The following CCDC144A variants were observed in gnomAD, a reference collection of about 807,000 sequenced individuals.
CCDC144A encodes the protein coiled-coil domain containing 144A.
Under a neutral mutation model 143.8 loss-of-function variants are expected in CCDC144A, and 41 were observed. The observed-to-expected ratio is 0.29, with a 90% CI of 0.22 to 0.37. The LOEUF (loss-of-function observed/expected upper bound fraction) is 0.37, where lower values mean the gene tolerates loss of function less well. CCDC144A is among the 10% of genes least tolerant of loss of function. The pLI is 1.00. For missense variants in CCDC144A, 637 were observed against 1,488.8 expected, an observed-to-expected ratio of 0.43 and a Z score of 9.41; for synonymous variants, 242 against 517.9, an observed-to-expected ratio of 0.47 and a Z score of 7.23.
intron 6 of CCDC144A, among the ~76,000 whole-genome samples, chr17:16,714,612 T>C (rs1391213662): frequency 2.0e-5 from 3 of 152,048 alleles, no homozygotes; most frequent in Non-Finnish European, 2.9e-5. Flanking sequence ...ATCTGCTCTC[T>C]AGATGCATGT....
intron 8 of CCDC144A, among the ~76,000 whole-genome samples, chr17:16,723,582 T>C (rs1913217532): frequency 6.6e-6 from 1 of 152,192 alleles, no homozygotes; most frequent in African/African-American, 2.4e-5. Flanking sequence ...GTCCAAGATC[T>C]AGGTGCTGGC....
chr17:16,749,087 G>C (rs1469906532), intron 12 of CCDC144A, among the ~76,000 whole-genome samples: 3 of 151,894 alleles, frequency 2.0e-5, no homozygotes, highest in Non-Finnish European at 4.4e-5. Context: ...TGGGCCTCAA[G>C]TTTTCTCAGT....
intron 12 of CCDC144A, among the ~76,000 whole-genome samples, chr17:16,754,206 T>C (rs1158799453): frequency 3.3e-5 from 5 of 152,366 alleles, no homozygotes; most frequent in Non-Finnish European, 5.9e-5. Context: ...TTTTCTCTTT[T>C]TTCTTGTTTA....
At chr17:16,683,314 A>G in the CCDC144A span, 2 of 581,258 alleles carry the variant, frequency 3.4e-6, no homozygotes, top group Non-Finnish European at 3.0e-6. Context: ...TTTGTCATTT[A>G]AAAAACGAAT....
intron 16 of CCDC144A, among the ~76,000 whole-genome samples, chr17:16,773,022 C>A (rs1915881994): frequency 6.6e-6 from 1 of 152,176 alleles, no homozygotes; most frequent in South Asian, 2.1e-4. Flanking sequence ...ATTTAGTGTG[C>A]AACTGTGGGC....
In CCDC144A at chr17:16,734,141, GAA is replaced by G. The variant is rs11335262; in HGVS notation, c.2419-533_2419-532del. Among the ~76,000 whole-genome samples, 583 of 90,402 alleles carry G rather than the reference GAA, an allele frequency of 6.4e-3. 2 individuals are homozygous for G. The highest frequency in any genetic ancestry group is 0.02 in the African/African-American group (538 of 26,664). 59.3% of individuals were successfully genotyped at this position (90,402 alleles called of 152,430 possible). On this transcript the variant is annotated intron_variant, in intron 11 of 16. Coordinates refer to ENST00000399273, the MANE Select transcript of CCDC144A (RefSeq NM_001382000.1). ...AGTGATGGAGTGGAGACCCTATCTC[GAA>G]AAAAAAAAAAAAAAAGCCTAATATA...
At chr17:16,719,583 G>A (rs1567593188) in intron 6 of CCDC144A, among the ~76,000 whole-genome samples, 1 of 152,098 alleles carries the variant, frequency 6.6e-6, no homozygotes, top group Non-Finnish European at 1.5e-5. Context: ...AGCTATATGG[G>A]CTGAGGACAG....
chr17:16,706,256 C>T (rs1242026823), intron 3 of CCDC144A: 3 of 147,232 alleles, frequency 2.0e-5, no homozygotes, highest in Non-Finnish European at 3.0e-5. Context: ...TACCACCTTG[C>T]GTTAATAAAT....
intron 11 of CCDC144A, 97 bp downstream of exon 11, chr17:16,732,763 C>CTA: frequency 1.4e-6 from 1 of 725,748 alleles, no homozygotes; most frequent in Non-Finnish European, 2.1e-6. Flanking sequence ...GATTTTTGAA[C>CTA]TACACACACA....
At chr17:16,698,263 TAA>T (rs1445397295) in intron 2 of CCDC144A, among the ~76,000 whole-genome samples, 1 of 152,160 alleles carries the variant, frequency 6.6e-6, no homozygotes, top group Non-Finnish European at 1.5e-5. Flanking sequence ...AGAGGAATCA[TAA>T]AGTCATGTTG....
intron 6 of CCDC144A, among the ~76,000 whole-genome samples, chr17:16,715,335 A>G (rs1912687613): frequency 6.6e-6 from 1 of 151,576 alleles, no homozygotes; most frequent in African/African-American, 2.4e-5. Flanking sequence ...AGAAAGAAAG[A>G]AAAAGGTTTC....
intron 6 of CCDC144A, among the ~76,000 whole-genome samples, chr17:16,715,735 T>C (rs1269855872): frequency 6.6e-6 from 1 of 152,226 alleles, no homozygotes; most frequent in African/African-American, 2.4e-5. Context: ...CTGTTGATCT[T>C]ACATAGGGTT....
the CCDC144A span, chr17:16,683,299 TTTTA>T: frequency 1.7e-6 from 1 of 578,490 alleles, no homozygotes; most frequent in African/African-American, 1.9e-5. Context: ...ATATATACAA[TTTTA>T]TTTGTCATTT....
rs1912260243 is a variant in CCDC144A at position 16,709,439 on chromosome 17, G to T, written c.1382G>T (p.Gly461Val). 5 of 1,611,518 alleles carry T rather than the reference G, an allele frequency of 3.1e-6. No homozygotes were observed. The Admixed American group carries it at 5.0e-5, about 16-fold the overall frequency. Residue 461 changes from glycine to valine, a missense_variant, in exon 5 of 17, where the codon GGC becomes GTC. Transcript: ENST00000399273. ...TKNMNQNSDS[G>V]STNNYKSLKP... ...AATATGAACCAAAATAGTGACAGTGGCAGTACAAACAACTATAAAAGCCTG... is the reference window on the plus strand; with the variant it reads ...AATATGAACCAAAATAGTGACAGTGTCAGTACAAACAACTATAAAAGCCTG...
intron 2 of CCDC144A, among the ~76,000 whole-genome samples, chr17:16,700,758 A>C (rs1235084510): frequency 6.6e-6 from 1 of 152,144 alleles, no homozygotes; most frequent in Non-Finnish European, 1.5e-5. Context: ...CATTTGGTGA[A>C]TACTTAACAG....
At chr17:16,699,485 C>T (rs1160679829) in intron 2 of CCDC144A, among the ~76,000 whole-genome samples, 1 of 83,152 alleles carries the variant, frequency 1.2e-5, no homozygotes, top group African/African-American at 5.1e-5. Flanking sequence ...ACACCATTCT[C>T]CTGCCTCAGC....
chr17:16,714,381 G>C (rs1290051299), intron 6 of CCDC144A, among the ~76,000 whole-genome samples: 3 of 152,178 alleles, frequency 2.0e-5, no homozygotes, highest in Non-Finnish European at 2.9e-5. Context: ...CCAGGTCCAA[G>C]ATTGGGGTAC....
the CCDC144A span, among the ~76,000 whole-genome samples, chr17:16,679,787 G>A: frequency 6.6e-6 from 1 of 151,964 alleles, no homozygotes; most frequent in East Asian, 1.9e-4. Context: ...GTTACAGGCA[G>A]ATCAGGCTAA....
intron 1 of CCDC144A, among the ~76,000 whole-genome samples, chr17:16,692,746 A>C (rs1037207610): frequency 2.0e-5 from 3 of 151,652 alleles, no homozygotes; most frequent in African/African-American, 7.3e-5. Context: ...TGCCAAGCTA[A>C]TGTGAGTTAA....
Sources: gnomAD v4.1 joint callset for allele counts (sites outside exome capture counted in the v4.1 genomes callset) on GRCh38, gnomAD v4.1.1 for gene constraint, MANE v1.5 for transcripts, NCBI Gene and HGNC (gene_info 2026-07-23, HGNC 2026-07-21) for gene names.